Variants in LIMS2 observed in about 807,000 individuals in gnomAD.
LIMS2 encodes the protein LIM zinc finger domain containing 2.
A neutral mutation model predicts 45.3 loss-of-function variants in LIMS2; 30 were observed. The observed-to-expected ratio is 0.66, with a 90% CI of 0.50 to 0.90. The LOEUF is 0.90. Among genes scored for constraint, LIMS2 ranks in the 40% least tolerant of loss-of-function variants. The probability of loss-of-function intolerance (pLI) is 0.00; values close to 1 mark genes in which losing one functional copy is unlikely to be tolerated. For missense variants in LIMS2, 485 were observed against 468.7 expected (o/e 1.03, Z -0.32); for synonymous variants, 173 against 188.0 (o/e 0.92, Z 0.65).
intron 6 of LIMS2, chr2:127,641,245 A>T: frequency 2.3e-6 from 1 of 428,634 alleles, no homozygotes; most frequent in Non-Finnish European, 4.3e-6. Flanking sequence ...CCCTCCTCTA[A>T]GGCACTGATG....
rs1185535688 is a variant in LIMS2, at chr2:127,642,029, T to C, written c.660+20A>G. The C allele has an allele frequency of 1.2e-6, 2 of 1,608,742 alleles. No homozygotes were observed. The highest frequency in any genetic ancestry group is 2.2e-5 in the South Asian group (2 of 90,090). ...GGGCACCCCCCAACCTGAGGCCACG[T>C]GTCCACCAGCCTGGCTCACCTCCAC... is the stretch of plus-strand genomic sequence containing the variant. On this transcript the variant is annotated intron_variant, in intron 6 of 9. Transcript: ENST00000355119. This position sits in a 1 kb window ranked among gnomAD's most constrained non-coding sequence, Gnocchi z 5.3.
rs199563092 is a variant in LIMS2, at chr2:127,642,991, G to A, written c.441C>T (p.Ile147=). 119 of 1,576,440 alleles carry A rather than the reference G, an allele frequency of 7.5e-5. No homozygotes were observed. Among genetic ancestry groups the A allele is most frequent in the Non-Finnish European group, 9.7e-5 (113 of 1,161,204 alleles). ...TCCTGAACATGAGGGGCTGCTCGTCGATGACCAGGTGGCACCGCTGGCAGA... is the reference window on the plus strand; with the variant it reads ...TCCTGAACATGAGGGGCTGCTCGTCAATGACCAGGTGGCACCGCTGGCAGA... ...KYICQRCHLV[I]DEQPLMFRSD... Residue 147 remains isoleucine, a synonymous_variant, in exon 5 of 10, where the codon ATC becomes ATT. Coordinates refer to ENST00000355119, the MANE Select transcript of LIMS2 (RefSeq NM_001161403.3). This position sits in a 1 kb window ranked among gnomAD's most constrained non-coding sequence, Gnocchi z 5.3.
chr2:127,639,920 A>G (rs1032235254), intron 9 of LIMS2, 150 bp downstream of exon 9: 10 of 776,616 alleles, frequency 1.3e-5, no homozygotes, highest in Admixed American at 4.7e-5. Flanking sequence ...ACCTGCCCCC[A>G]TCTCCCTGGG....
chr2:127,650,496 A>C, intron 4 of LIMS2: 1 of 568,288 alleles, frequency 1.8e-6, no homozygotes, highest in East Asian at 2.9e-5. Flanking sequence ...GCGAAATTCC[A>C]AGCCCTGGTT....
At chr2:127,668,377 AAAAC>A (rs1685111203) in intron 1 of LIMS2, among the ~76,000 whole-genome samples, 1 of 152,120 alleles carries the variant, frequency 6.6e-6, no homozygotes. Flanking sequence ...ACTTTAAAAA[AAAAC>A]AAAGAGGCCA....
intron 1 of LIMS2, among the ~76,000 whole-genome samples, chr2:127,666,670 C>G (rs146566205): frequency 1.4e-5 from 2 of 144,374 alleles, no homozygotes; most frequent in South Asian, 4.2e-4. Flanking sequence ...TCATGAGACT[C>G]GGTAAATTAT....
chr2:127,660,758 AC>A (rs1434078018), intron 1 of LIMS2, among the ~76,000 whole-genome samples: 1 of 152,248 alleles, frequency 6.6e-6, no homozygotes, highest in Non-Finnish European at 1.5e-5. Context: ...CACCTGGTCA[AC>A]CTGACAGCAG....
rs1393280679 is a variant in LIMS2 at position 127,664,032 on chromosome 2, G to T, written c.12-6470C>A. ...TATAAAGTGCAGCATGATCACCCCC[G>T]TCTGAAAGCAGTGCTGGGGGCTACA... On this transcript the variant is annotated intron_variant, in intron 1 of 9. Coordinates refer to ENST00000355119, the MANE Select transcript of LIMS2 (RefSeq NM_001161403.3). The surrounding 1 kb of genome is among the most constrained non-coding windows in gnomAD (Gnocchi z 5.5). 1.3e-5 allele frequency among the ~76,000 whole-genome samples: 2 copies of T among 152,140 alleles called. No individual in the cohort carries two copies. The highest frequency in any genetic ancestry group is 6.5e-5 in the Admixed American group (1 of 15,286).
chr2:127,659,865 G>A (rs1041435674), intron 1 of LIMS2, among the ~76,000 whole-genome samples: 83 of 152,290 alleles, frequency 5.5e-4, no homozygotes, highest in African/African-American at 1.9e-3. Flanking sequence ...CCACACGCCT[G>A]CCCCCTCTGG....
chr2:127,673,042 C>T (rs76939344), intron 1 of LIMS2, among the ~76,000 whole-genome samples: 2,251 of 152,324 alleles, frequency 0.015, 66 homozygotes, highest in African/African-American at 0.052. Context: ...TCGCCCACTC[C>T]GAAGGCCGGG....
At chr2:127,669,382 CAAG>C (rs1685178401) in intron 1 of LIMS2, among the ~76,000 whole-genome samples, 1 of 152,006 alleles carries the variant, frequency 6.6e-6, no homozygotes, top group Non-Finnish European at 1.5e-5. Flanking sequence ...ACGACACAAT[CAAG>C]AAAGTGAAAA....
At chr2:127,644,423 T>C (rs1306554679) in intron 4 of LIMS2, among the ~76,000 whole-genome samples, 1 of 152,168 alleles carries the variant, frequency 6.6e-6, no homozygotes, top group Admixed American at 6.5e-5. Flanking sequence ...CCACAATCCC[T>C]GAAGCCCACC....
rs577959066 is a variant in LIMS2 at position 127,661,620 on chromosome 2, C to A, written c.12-4058G>T. Among the ~76,000 whole-genome samples the A allele has an allele frequency of 4.6e-5, 7 of 152,332 alleles. 1 individual carries two copies. In the South Asian group the frequency reaches 1.2e-3, roughly 27 times the overall value. On this transcript the variant is annotated intron_variant, in intron 1 of 9. Coordinates refer to ENST00000355119, the MANE Select transcript of LIMS2 (RefSeq NM_001161403.3). ...GTAGAACATACTGCCCAGGGCACAC[C>A]CAGCCTGGAAGCCAAACCCCAGAGG...
At chr2:127,673,640 C>A (rs1167431464) in intron 1 of LIMS2, 18 of 1,546,196 alleles carry the variant, frequency 1.2e-5, no homozygotes, top group Non-Finnish European at 1.6e-5. Flanking sequence ...TTCTCCTCGA[C>A]ATCCCTCCTG....
intron 4 of LIMS2, chr2:127,651,872 G>A: frequency 3.2e-6 from 3 of 927,908 alleles, no homozygotes; most frequent in African/African-American, 1.7e-5. Context: ...CTCAGCAGAT[G>A]CCCACCATTT....
At chr2:127,669,824 G>A (rs1475314521) in intron 1 of LIMS2, among the ~76,000 whole-genome samples, 1 of 152,142 alleles carries the variant, frequency 6.6e-6, no homozygotes, top group Non-Finnish European at 1.5e-5. Context: ...TTAAAAAATG[G>A]GCAAAGAGTT....
intron 2 of LIMS2, among the ~76,000 whole-genome samples, chr2:127,656,872 C>T (rs912623552): frequency 6.6e-6 from 1 of 152,188 alleles, no homozygotes; most frequent in African/African-American, 2.4e-5. Context: ...CCTTCTCCCT[C>T]TCATGCCCTC....
At position 127,642,238 on chromosome 2, in the gene LIMS2, C is replaced by T. The variant is rs1682500777; in HGVS notation, c.510-39G>A. ...TGCAGCCCCCAGGTGCCACCCCTGC[C>T]CTTCTGCAGGGTCATGCCAGCAGCG... On this transcript the variant is annotated intron_variant, in intron 5 of 9. Coordinates refer to ENST00000355119, the MANE Select transcript of LIMS2 (RefSeq NM_001161403.3). The surrounding 1 kb of genome is among the most constrained non-coding windows in gnomAD (Gnocchi z 5.3). 2 of 1,472,702 alleles carry T rather than the reference C, an allele frequency of 1.4e-6. No homozygotes were observed. The highest frequency in any genetic ancestry group is 4.3e-5 in the Admixed American group (2 of 46,048). The allele number at this position is 1,472,702 out of a possible 1,614,324, so 91.2% of individuals were successfully genotyped here.
intron 1 of LIMS2, among the ~76,000 whole-genome samples, chr2:127,658,592 C>T (rs1029441925): frequency 5.9e-5 from 9 of 152,148 alleles, no homozygotes; most frequent in Admixed American, 5.2e-4. Context: ...CAGGGCCCTT[C>T]GGCACAGCCA....
Sources: allele counts gnomAD v4.1 joint callset (sites outside exome capture counted in the v4.1 genomes callset), GRCh38; gene constraint gnomAD v4.1.1; non-coding constraint Gnocchi (gnomAD v3.1); transcripts MANE v1.5; gene names NCBI Gene and HGNC (gene_info 2026-07-23, HGNC 2026-07-21).